Variants in CNTLN observed in about 807,000 individuals in gnomAD.
The protein encoded by CNTLN is centlein, centrosomal protein.
CNTLN carries 212 observed loss-of-function variants against 180.0 expected under a neutral mutation model. The ratio of observed to expected loss-of-function variants is 1.18; its 90% CI spans 1.05 to 1.32. The LOEUF is 1.32. CNTLN is among the 40% of genes most tolerant of loss of function. The pLI, the probability that CNTLN is intolerant of heterozygous loss-of-function variation, is 0.00. For synonymous variants in CNTLN, 722 were observed against 563.1 expected (o/e 1.28, Z -3.99); for missense variants, 2,095 against 1,610.9 (o/e 1.30, Z -5.14).
chr9:17,466,143 A>G, intron 22 of CNTLN, 25 bp downstream of exon 22: 1 of 1,568,154 alleles, frequency 6.4e-7, no homozygotes, highest in Non-Finnish European at 8.7e-7. Context: ...AGGGCATTTT[A>G]GATTACAGAT....
At chr9:17,509,803 T>C in the CNTLN span, among the ~76,000 whole-genome samples, 1 of 152,156 alleles carries the variant, frequency 6.6e-6, no homozygotes, top group African/African-American at 2.4e-5. Flanking sequence ...CTTGTGACTT[T>C]ATGCTTTCCT....
intron 2 of CNTLN, among the ~76,000 whole-genome samples, chr9:17,198,747 T>G (rs1822312401): frequency 6.6e-6 from 1 of 151,722 alleles, no homozygotes; most frequent in East Asian, 1.9e-4. Flanking sequence ...TTCTCATTGT[T>G]CAACTCCCGC....
At chr9:17,356,354 A>G (rs923320517) in intron 12 of CNTLN, among the ~76,000 whole-genome samples, 1 of 152,210 alleles carries the variant, frequency 6.6e-6, no homozygotes, top group Non-Finnish European at 1.5e-5. Context: ...TCCCTAGGTA[A>G]GAGTGGAAAG....
At chr9:17,232,986 A>G (rs1824905936) in intron 3 of CNTLN, among the ~76,000 whole-genome samples, 2 of 142,974 alleles carry the variant, frequency 1.4e-5, no homozygotes. Context: ...TAATAATTAA[A>G]ATAGAACAGA....
chr9:17,491,557 T>C (rs1010534231), intron 25 of CNTLN, among the ~76,000 whole-genome samples: 5 of 152,116 alleles, frequency 3.3e-5, no homozygotes, highest in African/African-American at 9.7e-5. Context: ...ATTTATGGTG[T>C]GTTGCTTTAT....
chr9:17,340,519 A>C (rs1183631469), intron 10 of CNTLN, among the ~76,000 whole-genome samples: 7 of 152,198 alleles, frequency 4.6e-5, no homozygotes, highest in African/African-American at 1.7e-4. Context: ...ATAATTAAAA[A>C]CATGTAAGAT....
chr9:17,352,800 A>G (rs529589513), intron 12 of CNTLN, among the ~76,000 whole-genome samples: 2 of 152,340 alleles, frequency 1.3e-5, no homozygotes, highest in African/African-American at 4.8e-5. Flanking sequence ...ATATAAATAG[A>G]ATCATACAAT....
chr9:17,416,330 ATTAG>A, intron 18 of CNTLN, 141 bp downstream of exon 18: 2 of 591,770 alleles, frequency 3.4e-6, no homozygotes, highest in Non-Finnish European at 5.5e-6. Flanking sequence ...TACTAGTGTA[ATTAG>A]TTTAATTACT....
intron 10 of CNTLN, among the ~76,000 whole-genome samples, chr9:17,339,152 A>C (rs1179779455): frequency 2.0e-5 from 3 of 152,210 alleles, no homozygotes; most frequent in African/African-American, 7.2e-5. Flanking sequence ...TCTTGTTACA[A>C]ACAAGACTCA....
the CNTLN span, among the ~76,000 whole-genome samples, chr9:17,516,915 A>G: frequency 2.0e-4 from 30 of 152,318 alleles, 1 homozygote; most frequent in South Asian, 6.2e-3. Flanking sequence ...GTAAGGATCA[A>G]ATAAATATTC....
chr9:17,288,415 A>G (rs200397248), intron 6 of CNTLN, among the ~76,000 whole-genome samples: 16 of 141,904 alleles, frequency 1.1e-4, no homozygotes, highest in South Asian at 7.7e-4. Flanking sequence ...GCTGAGGAGA[A>G]CTTTACTTCC....
At chr9:17,302,750 T>G (rs1242014258) in intron 7 of CNTLN, among the ~76,000 whole-genome samples, 3 of 152,194 alleles carry the variant, frequency 2.0e-5, no homozygotes, top group Non-Finnish European at 4.4e-5. Flanking sequence ...GTCCATTTAA[T>G]GTTTGACTTT....
At chr9:17,336,658 T>G (rs1270073811) in intron 10 of CNTLN, among the ~76,000 whole-genome samples, 2 of 152,218 alleles carry the variant, frequency 1.3e-5, no homozygotes, top group African/African-American at 4.8e-5. Context: ...CTGTTAGATA[T>G]AATAAATTAA....
chr9:17,491,133 T>G (rs1833140261), intron 25 of CNTLN, among the ~76,000 whole-genome samples: 2 of 152,116 alleles, frequency 1.3e-5, no homozygotes, highest in Admixed American at 6.6e-5. Flanking sequence ...TTTAGGCCTT[T>G]ATGATACCCA....
chr9:17,409,416 AAC>A lies in CNTLN; in HGVS notation c.2743_2744del (p.Gln915ArgfsTer22). ...AAAGTGATCCAACAGAAGACAGCCA[AAC>A]ACAAGGAAAAGAAATAGTACAGACA... ...KESDPTEDSQTQGKEIVQTYL... is the reference protein window; with the variant it reads ...KESDPTEDSQXQGKEIVQTYL... On this transcript the variant is annotated frameshift_variant, in exon 16 of 26. Transcript: ENST00000380647. LOFTEE classifies it high-confidence loss of function. The A allele has an allele frequency of 6.2e-7, 1 of 1,613,322 alleles. No homozygotes were observed. The highest frequency in any genetic ancestry group is 8.5e-7 in the Non-Finnish European group (1 of 1,179,648).
intron 25 of CNTLN, among the ~76,000 whole-genome samples, chr9:17,491,763 G>C (rs548149531): frequency 2.0e-5 from 3 of 152,174 alleles, no homozygotes; most frequent in Non-Finnish European, 4.4e-5. Context: ...AGTTGCTTCA[G>C]ATCTTGCAAA....
chr9:17,227,084 A>G (rs6475117), intron 3 of CNTLN, among the ~76,000 whole-genome samples: 9,719 of 151,820 alleles, frequency 0.064, 378 homozygotes, highest in East Asian at 0.18. Flanking sequence ...TACTGGGTGT[A>G]TGCCACACAC....
At chr9:17,319,905 G>T (rs996616902) in intron 8 of CNTLN, among the ~76,000 whole-genome samples, 1 of 152,064 alleles carries the variant, frequency 6.6e-6, no homozygotes, top group Non-Finnish European at 1.5e-5. Context: ...AAAGCTAATT[G>T]GTTCATAGGG....
intron 2 of CNTLN, among the ~76,000 whole-genome samples, chr9:17,149,939 G>A (rs149944113): frequency 0.011 from 1,601 of 152,254 alleles, 32 homozygotes; most frequent in African/African-American, 0.037. Context: ...TCTGTTGGCT[G>A]CATAAATGTT....
Sources: gnomAD v4.1 joint callset for allele counts (sites outside exome capture counted in the v4.1 genomes callset) on GRCh38, gnomAD v4.1.1 for gene constraint, MANE v1.5 for transcripts, NCBI Gene and HGNC (gene_info 2026-07-23, HGNC 2026-07-21) for gene names.